The following CUBN variants were observed in gnomAD, a reference collection of about 807,000 sequenced individuals.
CUBN encodes 460 kDa receptor.
A neutral mutation model predicts 405.3 loss-of-function variants in CUBN; 282 were observed. The observed-to-expected ratio is 0.70, with a 90% CI of 0.63 to 0.77. The LOEUF (loss-of-function observed/expected upper bound fraction) is 0.77, where lower values mean the gene tolerates loss of function less well. CUBN is among the 30% of genes least tolerant of loss of function. The pLI, the probability that CUBN is intolerant of heterozygous loss-of-function variation, is 0.00. For synonymous variants in CUBN, 1,684 were observed against 1,617.0 expected (o/e 1.04, Z -0.99); for missense variants, 4,514 against 4,475.2 (o/e 1.01, Z -0.25).
Position 16,915,882 on chromosome 10 carries a change from G to A in CUBN, c.7149C>T (p.Asn2383=), listed in dbSNP as rs1841868113. Reference sequence around the variant, plus strand: ...TTTCACAGCCAGAAGAATTCTGAAGGTTAAAGTCTTCAAAAGAGATGGTGA... The same window carrying A: ...TTTCACAGCCAGAAGAATTCTGAAGATTAAAGTCTTCAAAAGAGATGGTGA... ...HYLTISFEDF[N]LQNSSGCEKD... The change falls in exon 46 of 67, where the codon AAC becomes AAT. Residue 2383 remains asparagine, a synonymous_variant. Transcript: ENST00000377833. 7 of 1,614,112 alleles carry A rather than the reference G, an allele frequency of 4.3e-6. No individual in the cohort carries two copies. In the East Asian group the frequency reaches 1.1e-4, roughly 26 times the overall value.
intron 28 of CUBN, among the ~76,000 whole-genome samples, chr10:17,008,461 T>TGC (rs1210747986): frequency 2.8e-4 from 42 of 147,634 alleles, no homozygotes; most frequent in Middle Eastern, 3.5e-3. Flanking sequence ...TGTGTGTGTG[T>TGC]GTGCGCGCTT....
At chr10:16,968,128 CT>C (rs1393873843) in intron 31 of CUBN, among the ~76,000 whole-genome samples, 1 of 152,096 alleles carries the variant, frequency 6.6e-6, no homozygotes, top group Non-Finnish European at 1.5e-5. Context: ...ACCCAGAGTT[CT>C]ATTATTCCTG....
chr10:17,019,878 C>A lies in CUBN; in HGVS notation c.4123G>T (p.Val1375Phe). The A allele has an allele frequency of 6.2e-7, 1 of 1,614,154 alleles. No homozygotes were observed. Among genetic ancestry groups the A allele is most frequent in the Admixed American group, 1.7e-5 (1 of 60,018 alleles). The change falls in exon 28 of 67, where the codon GTT becomes TTT. Residue 1375 changes from valine to phenylalanine, a missense_variant. By Grantham distance (50) the Val-to-Phe change is conservative (BLOSUM62 -1). Transcript: ENST00000377833. ...KLQVLLLTDG[V>F]GRREKGFQMQ... ...TGAAATCCTTTCTCACGGCGGCCAA[C>A]CCCATCTGTAAGGAGCAGCACTTGA...
intron 56 of CUBN, among the ~76,000 whole-genome samples, chr10:16,883,983 G>A (rs555458957): frequency 6.6e-6 from 1 of 152,124 alleles, no homozygotes; most frequent in African/African-American, 2.4e-5. Flanking sequence ...TTTTATTTAT[G>A]TATTTATTTA....
intron 27 of CUBN, among the ~76,000 whole-genome samples, chr10:17,035,119 GGAAA>G (rs1564489148): frequency 3.3e-5 from 5 of 150,592 alleles, no homozygotes; most frequent in African/African-American, 4.8e-5. Flanking sequence ...AATTGAAAAA[GGAAA>G]GAACATTCTA....
intron 37 of CUBN, among the ~76,000 whole-genome samples, chr10:16,939,507 C>T (rs927152607): frequency 1.3e-5 from 2 of 152,004 alleles, no homozygotes; most frequent in African/African-American, 4.8e-5. Flanking sequence ...AAGAAATTTA[C>T]AAGAAAAACT....
chr10:17,127,797 A>T (rs759561859), intron 3 of CUBN, 32 bp downstream of exon 3: 1 of 1,506,668 alleles, frequency 6.6e-7, no homozygotes, highest in Admixed American at 1.7e-5. Context: ...GGGAGAACTC[A>T]TCGGTTCTTA....
chr10:17,090,874 G>C (rs1588636026), intron 14 of CUBN, among the ~76,000 whole-genome samples: 1 of 146,322 alleles, frequency 6.8e-6, no homozygotes, highest in Non-Finnish European at 1.5e-5. Flanking sequence ...TTCCAATATA[G>C]TGTAAGATCA....
At chr10:17,088,428 G>A in intron 14 of CUBN, 83 bp from the exon 15 acceptor site, 1 of 1,152,278 alleles carries the variant, frequency 8.7e-7, no homozygotes. Flanking sequence ...GGCGTAAGAA[G>A]CCAAACTTTG....
At chr10:16,886,830 C>T (rs1325033591) in intron 56 of CUBN, among the ~76,000 whole-genome samples, 2 of 152,214 alleles carry the variant, frequency 1.3e-5, no homozygotes, top group African/African-American at 2.4e-5. Context: ...CTCTTGTCGC[C>T]CAGGCTGGAG....
At chr10:17,016,827 G>T (rs1834340909) in intron 28 of CUBN, among the ~76,000 whole-genome samples, 1 of 152,188 alleles carries the variant, frequency 6.6e-6, no homozygotes, top group Non-Finnish European at 1.5e-5. Flanking sequence ...CCTCCTGTGG[G>T]ATGTAAATTG....
chr10:17,087,360 C>T (rs759363064), intron 15 of CUBN, among the ~76,000 whole-genome samples: 4 of 151,650 alleles, frequency 2.6e-5, no homozygotes, highest in Non-Finnish European at 5.9e-5. Flanking sequence ...TAATCTTTTA[C>T]TAATGGGTAG....
intron 34 of CUBN, among the ~76,000 whole-genome samples, chr10:16,949,438 TGTGTGTGTGTGTGTGTGTGTGTGTGTA>T (rs1172637120): frequency 9.5e-6 from 1 of 105,148 alleles, no homozygotes; most frequent in Non-Finnish European, 2.2e-5. Context: ...TGGCCTGGTG[TGTGTGTGTGTGTGTGTGTGTGTGTGTA>T]GTGTGTGTGT....
chr10:16,994,213 T>G (rs2131724701), intron 28 of CUBN, among the ~76,000 whole-genome samples: 1 of 152,318 alleles, frequency 6.6e-6, no homozygotes, highest in South Asian at 2.1e-4. Flanking sequence ...CTCATAAGTG[T>G]TTATTGAGCA....
intron 14 of CUBN, among the ~76,000 whole-genome samples, chr10:17,095,469 A>T (rs1836352807): frequency 6.6e-6 from 1 of 152,114 alleles, no homozygotes; most frequent in Non-Finnish European, 1.5e-5. Flanking sequence ...TTCTGAATAG[A>T]AAACATATAA....
intron 22 of CUBN, among the ~76,000 whole-genome samples, chr10:17,049,927 A>T (rs1284909995): frequency 6.6e-6 from 1 of 152,160 alleles, no homozygotes; most frequent in African/African-American, 2.4e-5. Flanking sequence ...GGATATGACT[A>T]AGACTTTATT....
At position 16,913,855 on chromosome 10, in the gene CUBN, G is replaced by T. The variant is rs780824225; in HGVS notation, c.7489C>A (p.Leu2497Met). ...CAGGACGGATGCGTGGCCAGCCTCAGGTTGTTAAACATTAGGGTGATCCGC... is the reference window on the plus strand; with the variant it reads ...CAGGACGGATGCGTGGCCAGCCTCATGTTGTTAAACATTAGGGTGATCCGC... Reference protein sequence around the residue: ...GRRITLMFNNLRLATHPSCNN... With the variant: ...GRRITLMFNNMRLATHPSCNN... The change falls in exon 48 of 67, where the codon CTG (leucine) becomes ATG (methionine). Residue 2497 changes from leucine (L) to methionine (M), a missense_variant. Coordinates refer to ENST00000377833, the MANE Select transcript of CUBN (RefSeq NM_001081.4). 4.3e-6 allele frequency: 7 copies of T among 1,613,982 alleles called. No homozygotes were observed. The African/African-American group carries it at 9.3e-5, about 22-fold the overall frequency.
At chr10:16,856,286 C>T (rs703072) in intron 59 of CUBN, among the ~76,000 whole-genome samples, 151,341 of 152,228 alleles carry the variant, frequency 0.99, 75,237 homozygotes, top group East Asian at 1. Flanking sequence ...TCAGGTGTGT[C>T]AGTCACTCTC....
intron 50 of CUBN, among the ~76,000 whole-genome samples, chr10:16,904,653 C>T (rs1405162556): frequency 2.0e-5 from 3 of 152,208 alleles, no homozygotes; most frequent in Admixed American, 6.5e-5. Flanking sequence ...ATGTACAGAG[C>T]ACCAACAGAG....
Sources: allele counts gnomAD v4.1 joint callset (sites outside exome capture counted in the v4.1 genomes callset), GRCh38; gene constraint gnomAD v4.1.1; transcripts MANE v1.5; gene names NCBI Gene and HGNC (gene_info 2026-07-23, HGNC 2026-07-21).